OTOG: variants seen among roughly 807,000 people sequenced by gnomAD.
OTOG encodes otogelin.
A neutral mutation model predicts 313.8 loss-of-function variants in OTOG; 296 were observed. That is an observed-to-expected ratio of 0.94 (90% CI 0.86 to 1.04). The LOEUF (loss-of-function observed/expected upper bound fraction) is 1.04, where lower values mean the gene tolerates loss of function less well. Among genes scored for constraint, OTOG ranks in the 50% least tolerant of loss-of-function variants. The pLI is 0.00. For synonymous variants in OTOG, 1,533 were observed against 1,554.9 expected (o/e 0.99, Z 0.33); for missense variants, 3,948 against 3,840.1 (o/e 1.03, Z -0.74).
In OTOG at chr11:17,610,125, C is replaced by T. The variant is rs1185175167; in HGVS notation, c.4825C>T (p.Pro1609Ser). The T allele has an allele frequency of 2.6e-6, 4 of 1,550,538 alleles. No homozygotes were observed. The highest frequency in any genetic ancestry group is 1.2e-5 in the South Asian group (1 of 84,072). The change falls in exon 36 of 56, where the codon CCT becomes TCT. Residue 1609 changes from proline to serine, a missense_variant. Pro to Ser is a moderately conservative substitution (Grantham distance 74, BLOSUM62 -1). Coordinates refer to ENST00000399397, the MANE Select transcript of OTOG (RefSeq NM_001292063.2). ...CATCACAGTCTCCTCCCGGTCGCCC[C>T]CTGCCCCTCGCTTCCCGCTCATGAC... ...PNITVSSRSP[P>S]APRFPLMTKA...
At position 17,576,882 on chromosome 11, in the gene OTOG, G is replaced by A. The variant is rs2134033263; in HGVS notation, c.2576G>A (p.Gly859Glu). Residue 859 changes from glycine (G) to glutamate (E), a missense_variant, in exon 22 of 56, where the codon GGA becomes GAA. Transcript: ENST00000399397. ...TCTCTCTGCAGCCACTGCAAAGATG[G>A]AGTCATGAGCTGTGATAGCAGAGCC... ...PSLGHCHCKD[G>E]VMSCDSRAPA... 5 of 1,550,506 alleles carry A rather than the reference G, an allele frequency of 3.2e-6. No individual in the cohort carries two copies. The highest frequency in any genetic ancestry group is 4.4e-6 in the Non-Finnish European group (5 of 1,146,978).
intron 28 of OTOG, among the ~76,000 whole-genome samples, chr11:17,594,798 C>A (rs543108047): frequency 6.6e-6 from 1 of 152,080 alleles, no homozygotes; most frequent in African/African-American, 2.4e-5. Flanking sequence ...TCTGGGTGAC[C>A]TTGAGTAAGT....
intron 10 of OTOG, 119 bp downstream of exon 10, chr11:17,558,763 A>C (rs925635366): frequency 2.0e-5 from 22 of 1,108,998 alleles, no homozygotes; most frequent in Non-Finnish European, 2.9e-5. Context: ...AAGGCTCTGA[A>C]ATTCTTATCT....
chr11:17,572,358 C>G (rs1296564816), intron 18 of OTOG, among the ~76,000 whole-genome samples, 154 bp downstream of exon 18: 1 of 152,208 alleles, frequency 6.6e-6, no homozygotes, highest in Non-Finnish European at 1.5e-5. Flanking sequence ...AAAGGAGAGA[C>G]AGTGAGGGCC....
intron 11 of OTOG, 86 bp downstream of exon 11, chr11:17,559,247 A>G: frequency 9.2e-7 from 1 of 1,088,442 alleles, no homozygotes; most frequent in South Asian, 1.6e-5. Context: ...TGTCCTGCTC[A>G]GAATCACAGT....
chr11:17,641,987 T>C, intron 52 of OTOG, 36 bp downstream of exon 52: 3 of 1,542,892 alleles, frequency 1.9e-6, no homozygotes, highest in Non-Finnish European at 2.6e-6. Flanking sequence ...TAGGAGGGTG[T>C]CCCAGAAGGG....
At chr11:17,577,046 CCTCTT>C in intron 22 of OTOG, 135 bp downstream of exon 22, 2 of 908,550 alleles carry the variant, frequency 2.2e-6, no homozygotes, top group Non-Finnish European at 3.3e-6. Context: ...TATTCCTTGC[CCTCTT>C]GGCAAAGACT....
At chr11:17,625,880 C>G (rs1234626281) in intron 39 of OTOG, among the ~76,000 whole-genome samples, 1 of 152,164 alleles carries the variant, frequency 6.6e-6, no homozygotes, top group Non-Finnish European at 1.5e-5. Flanking sequence ...TTGCCCAAAC[C>G]AATGTCCTGG....
At chr11:17,574,354 A>C (rs923263507) in intron 19 of OTOG, among the ~76,000 whole-genome samples, 2 of 152,006 alleles carry the variant, frequency 1.3e-5, no homozygotes, top group Non-Finnish European at 2.9e-5. Context: ...GGGCTCATGC[A>C]TGTGTCTATG....
intron 39 of OTOG, among the ~76,000 whole-genome samples, chr11:17,627,919 G>T (rs1362620698): frequency 6.6e-6 from 1 of 151,988 alleles, no homozygotes; most frequent in Non-Finnish European, 1.5e-5. Flanking sequence ...AGTATCAGTT[G>T]TGATGCCTCT....
chr11:17,555,643 G>A, intron 6 of OTOG, 136 bp from the exon 7 acceptor site: 1 of 668,974 alleles, frequency 1.5e-6, no homozygotes, highest in South Asian at 1.8e-5. Context: ...TATGGGGACT[G>A]AGCGAGATCA....
chr11:17,568,140 C>G (rs947375018), intron 15 of OTOG, among the ~76,000 whole-genome samples: 4 of 152,204 alleles, frequency 2.6e-5, no homozygotes, highest in African/African-American at 9.6e-5. Context: ...ATCTCCTGAC[C>G]TCGTGATCCG....
Position 17,609,788 on chromosome 11 carries a change from G to C in OTOG, c.4488G>C (p.Arg1496Ser). ...AAAGCCCCAGGACCCCCACCCACAG[G>C]CCAGCCCTCACCCCAGCTGCCCCAC... ...SQESPRTPTH[R>S]PALTPAAPLT... Residue 1496 changes from arginine to serine, a missense_variant, in exon 36 of 56, where the codon AGG becomes AGC. Physicochemically the swap from Arg to Ser is moderately radical, Grantham distance 110. Transcript: ENST00000399397. 1 of 1,548,164 alleles carries C rather than the reference G, an allele frequency of 6.5e-7. No homozygotes were observed. The highest frequency in any genetic ancestry group is 8.7e-7 in the Non-Finnish European group (1 of 1,145,796).
Position 17,572,220 on chromosome 11 carries a change from A to G in OTOG, c.2080+16A>G. ...CTGCAAGCCGGTGAGTTGGTGGGGGAAGAGGAGAGGCATGGTTGAGTGGGG... is the reference window on the plus strand; with the variant it reads ...CTGCAAGCCGGTGAGTTGGTGGGGGGAGAGGAGAGGCATGGTTGAGTGGGG... On this transcript the variant is annotated intron_variant, in intron 18 of 55. Coordinates refer to ENST00000399397, the MANE Select transcript of OTOG (RefSeq NM_001292063.2). 1 of 1,549,990 alleles carries G rather than the reference A, an allele frequency of 6.5e-7. No individual in the cohort carries two copies. The highest frequency in any genetic ancestry group is 2.0e-5 in the Admixed American group (1 of 50,960).
chr11:17,576,910 A>C lies in OTOG; in HGVS notation c.2604A>C (p.Pro868=). Residue 868 remains proline (P), a splice_region_variant and synonymous_variant, in exon 22 of 56, where the codon CCA becomes CCC. Coordinates refer to ENST00000399397, the MANE Select transcript of OTOG (RefSeq NM_001292063.2). The part of the protein sequence containing the change: ...DGVMSCDSRA[P]AAACPAGQVF... ...TCATGAGCTGTGATAGCAGAGCCCC[A>C]GGTAAGGGTGGGTGGAGGGGTGGAG... is the stretch of plus-strand genomic sequence containing the variant. 1 of 1,550,378 alleles carries C rather than the reference A, an allele frequency of 6.5e-7. No homozygotes were observed. The highest frequency in any genetic ancestry group is 8.7e-7 in the Non-Finnish European group (1 of 1,146,928).
chr11:17,558,155 C>T (rs1406019882), intron 8 of OTOG, 30 bp from the exon 9 acceptor site: 1 of 1,549,628 alleles, frequency 6.5e-7, no homozygotes, highest in Non-Finnish European at 8.7e-7. Context: ...CCCATCGCTG[C>T]CCCATCATGA....
At chr11:17,606,964 C>T (rs1228603744) in intron 33 of OTOG, among the ~76,000 whole-genome samples, 1 of 152,222 alleles carries the variant, frequency 6.6e-6, no homozygotes, top group Non-Finnish European at 1.5e-5. Context: ...ATTTGTGTCC[C>T]TCTCCGGAAG....
At chr11:17,580,230 C>A (rs1343063271) in intron 23 of OTOG, among the ~76,000 whole-genome samples, 2 of 152,232 alleles carry the variant, frequency 1.3e-5, no homozygotes, top group Non-Finnish European at 2.9e-5. Context: ...GGCCCTGGGG[C>A]CACTAGGCAG....
Position 17,570,215 on chromosome 11 carries a change from G to A in OTOG, c.1780G>A (p.Ala594Thr), listed in dbSNP as rs1175437148. ...YKIIPPYTDD[A>T]FEIRRLSSVF... ...CTCCTTTTGGATTCTGTGCCCAGAT[G>A]CCTTTGAGATCCGTAGGCTGTCCTC... Residue 594 changes from alanine to threonine, a missense_variant and splice_region_variant, in exon 17 of 56, where the codon GCC becomes ACC. Ala to Thr is a moderately conservative substitution (Grantham distance 58). Transcript: ENST00000399397. 2 of 1,550,386 alleles carry A rather than the reference G, an allele frequency of 1.3e-6. No homozygotes were observed. Among genetic ancestry groups the A allele is most frequent in the African/African-American group, 1.4e-5 (1 of 73,036 alleles).
Sources: gnomAD v4.1 joint callset for allele counts (sites outside exome capture counted in the v4.1 genomes callset) on GRCh38, gnomAD v4.1.1 for gene constraint, MANE v1.5 for transcripts, NCBI Gene and HGNC (gene_info 2026-07-23, HGNC 2026-07-21) for gene names.